CSMD1: variants seen among roughly 807,000 people sequenced by gnomAD.
CSMD1 encodes CUB and Sushi multiple domains 1.
Under a neutral mutation model 417.5 loss-of-function variants are expected in CSMD1, and 213 were observed. The ratio of observed to expected loss-of-function variants is 0.51; its 90% CI spans 0.46 to 0.57. The LOEUF (loss-of-function observed/expected upper bound fraction) is 0.57. Ranked by LOEUF, CSMD1 falls within the 20% of genes least tolerant of loss-of-function variation. The probability of loss-of-function intolerance (pLI) is 0.00; values close to 1 mark genes in which losing one functional copy is unlikely to be tolerated. For missense variants in CSMD1, 6,923 were observed against 4,529.7 expected (o/e 1.53, Z -15.17); for synonymous variants, 2,862 against 1,736.8 (o/e 1.65, Z -16.11).
chr8:4,749,251 G>C (rs1676946), intron 1 of CSMD1, among the ~76,000 whole-genome samples: 28,254 of 152,202 alleles, frequency 0.19, 3,253 homozygotes, highest in African/African-American at 0.34. Context: ...TCTTTAGAGA[G>C]AATATGCTCA....
intron 3 of CSMD1, among the ~76,000 whole-genome samples, chr8:4,094,220 C>T (rs1800879194): frequency 6.6e-6 from 1 of 152,136 alleles, no homozygotes; most frequent in African/African-American, 2.4e-5. Context: ...GCTGCACTAG[C>T]TGCCCTCGTA....
intron 50 of CSMD1, among the ~76,000 whole-genome samples, chr8:3,034,928 G>A (rs1405578554): frequency 2.0e-5 from 3 of 152,170 alleles, no homozygotes. Context: ...CGGCACTGTG[G>A]AGAAAGGGAA....
chr8:4,162,445 G>C (rs550022563), intron 3 of CSMD1, among the ~76,000 whole-genome samples: 1 of 152,056 alleles, frequency 6.6e-6, no homozygotes, highest in Admixed American at 6.6e-5. Context: ...ACAGAATAGA[G>C]GTGAATTCAA....
chr8:4,710,562 G>C (rs1355712399), intron 1 of CSMD1, among the ~76,000 whole-genome samples: 2 of 150,520 alleles, frequency 1.3e-5, no homozygotes, highest in Non-Finnish European at 3.0e-5. Context: ...AAGAAAAATG[G>C]CTTCTGGGTG....
intron 25 of CSMD1, among the ~76,000 whole-genome samples, chr8:3,289,168 A>C (rs1315546178): frequency 6.8e-6 from 1 of 147,466 alleles, no homozygotes; most frequent in East Asian, 2.0e-4. Context: ...ATCATTTTTT[A>C]TGGCTGCATA....
chr8:4,352,571 T>A (rs761077377), intron 3 of CSMD1, among the ~76,000 whole-genome samples: 6 of 152,218 alleles, frequency 3.9e-5, no homozygotes, highest in Admixed American at 6.5e-5. Context: ...TCATTTTCCA[T>A]GTAACTTCAT....
intron 20 of CSMD1, among the ~76,000 whole-genome samples, chr8:3,363,850 A>G (rs1316333124): frequency 1.3e-5 from 2 of 152,192 alleles, no homozygotes; most frequent in African/African-American, 4.8e-5. Flanking sequence ...TATCCAGTGC[A>G]CATAGTTAGC....
At chr8:4,608,397 G>C (rs192318114) in intron 2 of CSMD1, among the ~76,000 whole-genome samples, 1 of 152,176 alleles carries the variant, frequency 6.6e-6, no homozygotes, top group East Asian at 1.9e-4. Context: ...CTCGACAAAA[G>C]GATGCTTTCT....
chr8:4,053,830 T>C (rs886120054), intron 3 of CSMD1, among the ~76,000 whole-genome samples: 4 of 152,170 alleles, frequency 2.6e-5, no homozygotes, highest in African/African-American at 7.2e-5. Context: ...AAATGTTCAG[T>C]AGCTTTTACT....
chr8:3,564,972 G>T (rs192068842), intron 10 of CSMD1, among the ~76,000 whole-genome samples: 1 of 148,240 alleles, frequency 6.7e-6, no homozygotes, highest in Non-Finnish European at 1.5e-5. Context: ...ATGATGAATA[G>T]CTAAGGAATG....
chr8:3,141,752 T>C (rs961179099), intron 41 of CSMD1, among the ~76,000 whole-genome samples: 24 of 151,202 alleles, frequency 1.6e-4, no homozygotes, highest in South Asian at 8.4e-4. Context: ...ATCTCCAACC[T>C]GACCAATGAG....
chr8:4,068,371 A>C (rs147773821), intron 3 of CSMD1, among the ~76,000 whole-genome samples: 105 of 152,272 alleles, frequency 6.9e-4, no homozygotes, highest in African/African-American at 2.1e-3. Context: ...CTTATTTGTC[A>C]GCCATGGGAG....
chr8:4,846,141 G>C (rs943984654), intron 1 of CSMD1, among the ~76,000 whole-genome samples: 27 of 152,214 alleles, frequency 1.8e-4, no homozygotes, highest in African/African-American at 6.0e-4. Flanking sequence ...TCTTTCTCCT[G>C]TCCTGCATAC....
At chr8:4,236,061 T>G (rs1418331944) in intron 3 of CSMD1, among the ~76,000 whole-genome samples, 4 of 144,274 alleles carry the variant, frequency 2.8e-5, no homozygotes, top group Admixed American at 6.9e-5. Context: ...TTTTTTTTTT[T>G]TTTTTTTTGT....
chr8:3,981,500 T>TAAAAA (rs200296436), intron 5 of CSMD1, among the ~76,000 whole-genome samples: 11 of 115,068 alleles, frequency 9.6e-5, no homozygotes, highest in African/African-American at 1.7e-4. Context: ...TAGAAAAAAG[T>TAAAAA]AAAAAAAAAA....
chr8:3,736,339 T>A (rs1051060499), intron 6 of CSMD1, among the ~76,000 whole-genome samples: 1 of 152,002 alleles, frequency 6.6e-6, no homozygotes, highest in Non-Finnish European at 1.5e-5. Context: ...CCTCCTGGGC[T>A]CAGGTGATTC....
chr8:3,851,447 C>G (rs1393049559), intron 5 of CSMD1, among the ~76,000 whole-genome samples: 13 of 152,300 alleles, frequency 8.5e-5, no homozygotes, highest in African/African-American at 3.1e-4. Flanking sequence ...TGCACTTCTA[C>G]TCATCAATTA....
chr8:3,970,644 G>C (rs907554796), intron 5 of CSMD1, among the ~76,000 whole-genome samples: 4 of 152,188 alleles, frequency 2.6e-5, no homozygotes, highest in Admixed American at 6.5e-5. Context: ...AGATTTGCTA[G>C]AAACATGAAC....
intron 4 of CSMD1, among the ~76,000 whole-genome samples, chr8:4,003,684 C>T (rs1266431215): frequency 1.3e-5 from 2 of 152,028 alleles, no homozygotes; most frequent in African/African-American, 2.4e-5. Flanking sequence ...TTGTATGTTC[C>T]TAATATCAAC....
Sources: allele counts gnomAD v4.1 joint callset (sites outside exome capture counted in the v4.1 genomes callset), GRCh38; gene constraint gnomAD v4.1.1; transcripts MANE v1.5; gene names NCBI Gene and HGNC (gene_info 2026-07-23, HGNC 2026-07-21).